Variants in RNF212B observed in about 807,000 individuals in gnomAD.
RNF212B encodes ring finger protein 212B.
Under a neutral mutation model 55.5 loss-of-function variants are expected in RNF212B, and 52 were observed. The ratio of observed to expected loss-of-function variants is 0.94; its 90% CI spans 0.75 to 1.18. RNF212B has a LOEUF of 1.18. RNF212B is among the 50% of genes most tolerant of loss of function. The pLI, the probability that RNF212B is intolerant of heterozygous loss-of-function variation, is 0.00. For synonymous variants in RNF212B, 99 were observed against 121.4 expected, an observed-to-expected ratio of 0.82 and a Z score of 1.21; for missense variants, 289 against 350.4, an observed-to-expected ratio of 0.82 and a Z score of 1.40.
intron 2 of RNF212B, among the ~76,000 whole-genome samples, chr14:23,208,843 C>T (rs899954018): frequency 1.3e-4 from 17 of 129,798 alleles, no homozygotes; most frequent in African/African-American, 2.9e-5. Context: ...ACTGCAAGCT[C>T]TGCCTCCCAG....
At chr14:23,191,962 A>G (rs905161612) in intron 1 of RNF212B, among the ~76,000 whole-genome samples, 1 of 152,244 alleles carries the variant, frequency 6.6e-6, no homozygotes, top group Non-Finnish European at 1.5e-5. Flanking sequence ...TCTTGTTTCC[A>G]AAGGAGGATT....
intron 2 of RNF212B, among the ~76,000 whole-genome samples, chr14:23,207,180 C>T (rs1002502789): frequency 1.3e-5 from 2 of 152,148 alleles, no homozygotes; most frequent in Non-Finnish European, 2.9e-5. Context: ...ACACAACATA[C>T]GATTTCTGAG....
At chr14:23,271,282 A>T (rs913794449) in intron 14 of RNF212B, among the ~76,000 whole-genome samples, 1 of 152,158 alleles carries the variant, frequency 6.6e-6, no homozygotes, top group South Asian at 2.1e-4. Context: ...CTCTCTACTG[A>T]AAATACAAAA....
chr14:23,226,843 A>C (rs1358451599), intron 2 of RNF212B, among the ~76,000 whole-genome samples: 3 of 110,750 alleles, frequency 2.7e-5, no homozygotes, highest in African/African-American at 7.1e-5. Context: ...GAGGAGGTCT[A>C]TGTTGCTCAG....
chr14:23,216,681 A>T (rs894372322), intron 2 of RNF212B, among the ~76,000 whole-genome samples: 3 of 151,906 alleles, frequency 2.0e-5, no homozygotes, highest in Admixed American at 6.6e-5. Context: ...GGAGTTCAAG[A>T]CAAGCTTGGG....
rs1594955948 is a variant in RNF212B at position 23,270,592 on chromosome 14, T to G, written c.773-8T>G. 16 of 1,547,500 alleles carry G rather than the reference T, an allele frequency of 1.0e-5. No individual in the cohort carries two copies. In the East Asian group the frequency reaches 3.9e-4, roughly 38 times the overall value. On this transcript the variant is annotated splice_region_variant and splice_polypyrimidine_tract_variant and intron_variant, in intron 13 of 14. Coordinates refer to ENST00000430154, the MANE Select transcript of RNF212B (RefSeq NM_001282322.3). ...AGTTATCTTTCACTGTTCCATTCTA[T>G]CCTTCAGCTCAGAGGGAGAGCACAA...
At chr14:23,202,041 C>T (rs892373326) in intron 2 of RNF212B, among the ~76,000 whole-genome samples, 11 of 151,800 alleles carry the variant, frequency 7.2e-5, no homozygotes, top group African/African-American at 2.7e-4. Context: ...GCTTGAGGTC[C>T]GGAGTTCGAG....
At chr14:23,217,607 G>A (rs996056846) in intron 2 of RNF212B, among the ~76,000 whole-genome samples, 1 of 152,066 alleles carries the variant, frequency 6.6e-6, no homozygotes, top group African/African-American at 2.4e-5. Context: ...AGAAAGTAAG[G>A]GAAAAGAATA....
chr14:23,191,589 T>G (rs1256219244), intron 1 of RNF212B, among the ~76,000 whole-genome samples: 1 of 152,186 alleles, frequency 6.6e-6, no homozygotes, highest in Non-Finnish European at 1.5e-5. Context: ...AATATATTTA[T>G]GGATGAAATA....
Position 23,258,657 on chromosome 14 carries a change from C to A in RNF212B, c.337C>A (p.Gln113Lys). The A allele has an allele frequency of 2.7e-6, 4 of 1,472,046 alleles. No individual in the cohort carries two copies. The highest frequency in any genetic ancestry group is 2.7e-6 in the Non-Finnish European group (3 of 1,093,820). The allele number at this position is 1,472,046 out of a possible 1,614,324, so 91.2% of individuals were successfully genotyped here. ...MQEAQQALVSQDKELSVLRKE... is the reference protein window; with the variant it reads ...MQEAQQALVSKDKELSVLRKE... The stretch of plus-strand genomic sequence containing the variant: ...GGAGGCACAGCAAGCACTGGTGAGC[C>A]AGGACAAGTAAGTAACAAATCAAGT... Residue 113 changes from glutamine (Q) to lysine (K), a missense_variant, in exon 5 of 15, where the codon CAG (glutamine) becomes AAG (lysine). Coordinates refer to ENST00000430154, the MANE Select transcript of RNF212B (RefSeq NM_001282322.3).
chr14:23,215,084 A>G (rs1410065486), intron 2 of RNF212B, among the ~76,000 whole-genome samples: 1 of 152,086 alleles, frequency 6.6e-6, no homozygotes, highest in Non-Finnish European at 1.5e-5. Context: ...ACCTGGTGGG[A>G]GGTGATTGGA....
In RNF212B at chr14:23,268,947, C is replaced by T. The variant is rs953115525; in HGVS notation, c.658C>T (p.His220Tyr). The change falls in exon 12 of 15, where the codon CAT (histidine) becomes TAT (tyrosine). Residue 220 changes from histidine (H) to tyrosine (Y), a missense_variant. His to Tyr is a moderately conservative substitution (Grantham distance 83, BLOSUM62 2). Coordinates refer to ENST00000430154, the MANE Select transcript of RNF212B (RefSeq NM_001282322.3). ...YNETPSPAST[H>Y]SLSYRTSSAS... ...AGAAACCCCTTCACCGGCTTCAACT[C>T]ATAGCCTATCTTATAGGTCAGTAAC... is the stretch of plus-strand genomic sequence containing the variant. The T allele has an allele frequency of 1.0e-5, 16 of 1,550,218 alleles. No homozygotes were observed. In the African/African-American group the frequency reaches 1.9e-4, roughly 19 times the overall value.
chr14:23,208,494 TA>T (rs1331098172), intron 2 of RNF212B, among the ~76,000 whole-genome samples: 1 of 151,712 alleles, frequency 6.6e-6, no homozygotes, highest in Non-Finnish European at 1.5e-5. Context: ...ATCCTATCTC[TA>T]AAAAAAATGA....
intron 2 of RNF212B, among the ~76,000 whole-genome samples, chr14:23,208,316 C>A (rs997044946): frequency 2.6e-5 from 4 of 151,980 alleles, no homozygotes; most frequent in African/African-American, 9.7e-5. Context: ...AGTTTGAGAC[C>A]CTGTCCCTCC....
intron 2 of RNF212B, among the ~76,000 whole-genome samples, chr14:23,212,699 T>A (rs1387320090): frequency 6.6e-6 from 1 of 151,916 alleles, no homozygotes; most frequent in Non-Finnish European, 1.5e-5. Context: ...CTCCTTTATT[T>A]TTTAATTTAA....
chr14:23,190,085 G>T (rs763035898), intron 1 of RNF212B, among the ~76,000 whole-genome samples: 4 of 152,048 alleles, frequency 2.6e-5, no homozygotes, highest in Non-Finnish European at 5.9e-5. Context: ...TGGCTCTGGA[G>T]CACCCACTCT....
chr14:23,195,604 T>G (rs1484890315), intron 2 of RNF212B, among the ~76,000 whole-genome samples: 2 of 152,198 alleles, frequency 1.3e-5, no homozygotes, highest in Non-Finnish European at 2.9e-5. Flanking sequence ...CTCAGTATCT[T>G]CTTCCAACAC....
chr14:23,236,378 A>G (rs1883092761), upstream of RNF212B, among the ~76,000 whole-genome samples: 1 of 152,018 alleles, frequency 6.6e-6, no homozygotes, highest in Non-Finnish European at 1.5e-5. Context: ...AGCTGGGCGT[A>G]ATGGCAGGCG....
intron 2 of RNF212B, among the ~76,000 whole-genome samples, chr14:23,231,692 C>G (rs945532681): frequency 6.6e-6 from 1 of 151,984 alleles, no homozygotes; most frequent in Non-Finnish European, 1.5e-5. Context: ...GATGCTGAGC[C>G]GAAGCTGGAC....
Sources: allele counts gnomAD v4.1 joint callset (sites outside exome capture counted in the v4.1 genomes callset), GRCh38; gene constraint gnomAD v4.1.1; transcripts MANE v1.5; gene names NCBI Gene and HGNC (gene_info 2026-07-23, HGNC 2026-07-21).